INSM2: variants seen among roughly 807,000 people sequenced by gnomAD.
INSM2 encodes insulinoma-associated protein 2.
A neutral mutation model predicts 30.5 loss-of-function variants in INSM2; 12 were observed. The ratio of observed to expected loss-of-function variants is 0.39; its 90% CI spans 0.25 to 0.64. The LOEUF (loss-of-function observed/expected upper bound fraction) is 0.64. Among genes scored for constraint, INSM2 ranks in the 30% least tolerant of loss-of-function variants. The pLI is 0.47. For missense variants in INSM2, 773 were observed against 819.2 expected (o/e 0.94, Z 0.69); for synonymous variants, 418 against 383.7 (o/e 1.09, Z -1.05).
Position 35,534,935 on chromosome 14 carries a change from C to A in INSM2, c.683C>A (p.Ala228Asp). The A allele has an allele frequency of 6.3e-7, 1 of 1,588,114 alleles. No homozygotes were observed. Among genetic ancestry groups the A allele is most frequent in the Non-Finnish European group, 8.5e-7 (1 of 1,169,928 alleles). The change falls in exon 1 of 1, where the codon GCC becomes GAC. Residue 228 changes from alanine (A) to aspartate (D), a missense_variant. Transcript: ENST00000307169. ...AAGGCCATGAGGAAGTTGAGCTTTG[C>A]CGATGAGGTGACCACATCCCCTGTC... is the stretch of plus-strand genomic sequence containing the variant. Reference protein sequence around the residue: ...KPKAMRKLSFADEVTTSPVLG... With the variant: ...KPKAMRKLSFDDEVTTSPVLG...
rs1457608631 is a variant in INSM2 at position 35,535,375 on chromosome 14, G to C, written c.1123G>C (p.Ala375Pro). The change falls in exon 1 of 1, where the codon GCG becomes CCG. Residue 375 changes from alanine (A) to proline (P), a missense_variant. By Grantham distance (27) the Ala-to-Pro change is conservative. Coordinates refer to ENST00000307169, the MANE Select transcript of INSM2 (RefSeq NM_032594.4). ...QHPQARDSSG[A>P]DQHPDSAPRQ... is the part of the protein sequence containing the mutation. ...CCCGCAGGCCAGGGACAGCTCCGGG[G>C]CGGATCAGCACCCGGACAGCGCCCC... 1 of 1,611,528 alleles carries C rather than the reference G, an allele frequency of 6.2e-7. No homozygotes were observed. Among genetic ancestry groups the C allele is most frequent in the East Asian group, 2.2e-5 (1 of 44,840 alleles).
rs548072899 is a variant in INSM2 at position 35,535,360 on chromosome 14, A to G, written c.1108A>G (p.Arg370Gly). The G allele has an allele frequency of 1.8e-5, 29 of 1,611,236 alleles. No individual in the cohort carries two copies. The highest frequency in any genetic ancestry group is 2.2e-5 in the East Asian group (1 of 44,822). The stretch of plus-strand genomic sequence containing the variant: ...GACTGCGGATCAGCACCCGCAGGCC[A>G]GGGACAGCTCCGGGGCGGATCAGCA... ...ERTADQHPQARDSSGADQHPD... is the reference protein window; with the variant it reads ...ERTADQHPQAGDSSGADQHPD... Residue 370 changes from arginine to glycine, a missense_variant, in exon 1 of 1, where the codon AGG becomes GGG. Arg to Gly is a moderately radical substitution (Grantham distance 125). Transcript: ENST00000307169.
Position 35,535,985 on chromosome 14 carries a change from GC to G in INSM2, c.*34del. 6.5e-7 allele frequency: 1 copy of G among 1,546,832 alleles called. No homozygotes were observed. The highest frequency in any genetic ancestry group is 1.3e-5 in the South Asian group (1 of 79,276). On this transcript the variant is annotated 3_prime_UTR_variant, in exon 1 of 1. Coordinates refer to ENST00000307169, the MANE Select transcript of INSM2 (RefSeq NM_032594.4). ...AGAGACCAGGATGATTTCGAGGTTG[GC>G]CTTAGAGGAAACAGATCATGGGAAT... is the stretch of plus-strand genomic sequence containing the variant.
In INSM2 at chr14:35,535,365, C is replaced by T. The variant is rs1288834257; in HGVS notation, c.1113C>T (p.Asp371=). ...RTADQHPQAR[D]SSGADQHPDS... ...CGGATCAGCACCCGCAGGCCAGGGA[C>T]AGCTCCGGGGCGGATCAGCACCCGG... is the stretch of plus-strand genomic sequence containing the variant. Residue 371 remains aspartate, a synonymous_variant, in exon 1 of 1, where the codon GAC becomes GAT. Transcript: ENST00000307169. The T allele has an allele frequency of 6.2e-7, 1 of 1,611,084 alleles. No homozygotes were observed. Among genetic ancestry groups the T allele is most frequent in the African/African-American group, 1.3e-5 (1 of 74,914 alleles).
Position 35,536,079 on chromosome 14 carries a change from T to C in INSM2, c.*126T>C. The C allele has an allele frequency of 8.3e-7, 1 of 1,211,612 alleles. No individual in the cohort carries two copies. Among genetic ancestry groups the C allele is most frequent in the Non-Finnish European group, 1.2e-6 (1 of 862,212 alleles). 75.1% of individuals were successfully genotyped at this position (1,211,612 alleles called of 1,614,324 possible). On this transcript the variant is annotated 3_prime_UTR_variant, in exon 1 of 1. Transcript: ENST00000307169. ...TTCCTATGTTTTAATCCCCTAAAAT[T>C]CTCCCTGTAGTCAATGTTCCACCAG... is the stretch of plus-strand genomic sequence containing the variant.
chr14:35,534,811 G>A lies in INSM2; in HGVS notation c.559G>A (p.Ala187Thr). ...LQPDPAPLSA[A>T]LQSLKRAAGG... is the part of the protein sequence containing the mutation. The stretch of plus-strand genomic sequence containing the variant: ...GCCGGACCCTGCGCCCCTCTCGGCC[G>A]CCCTTCAGAGTCTGAAGCGGGCGGC... Residue 187 changes from alanine to threonine, a missense_variant, in exon 1 of 1, where the codon GCC (alanine) becomes ACC (threonine). Ala to Thr is a moderately conservative substitution (Grantham distance 58, BLOSUM62 0). Coordinates refer to ENST00000307169, the MANE Select transcript of INSM2 (RefSeq NM_032594.4). 3 of 1,476,166 alleles carry A rather than the reference G, an allele frequency of 2.0e-6. No individual in the cohort carries two copies. Among genetic ancestry groups the A allele is most frequent in the Admixed American group, 2.7e-5 (1 of 36,710 alleles). The allele number at this position is 1,476,166 out of a possible 1,614,324, so 91.4% of individuals were successfully genotyped here.
Position 35,535,469 on chromosome 14 carries a change from T to A in INSM2, c.1217T>A (p.Val406Glu). 6.8e-6 allele frequency: 11 copies of A among 1,612,594 alleles called. No individual in the cohort carries two copies. The highest frequency in any genetic ancestry group is 9.3e-6 in the Non-Finnish European group (11 of 1,179,752). The change falls in exon 1 of 1, where the codon GTG (valine) becomes GAG (glutamate). Residue 406 changes from valine to glutamate, a missense_variant. Val to Glu is a moderately radical substitution (Grantham distance 121). Transcript: ENST00000307169. ...PLPQGPYTEGVLGRRVPVPGS... is the reference protein window; with the variant it reads ...PLPQGPYTEGELGRRVPVPGS... ...CCTCAGGGCCCCTACACGGAGGGGG[T>A]GTTGGGGCGCCGGGTACCTGTGCCG... is the stretch of plus-strand genomic sequence containing the variant.
In INSM2 at chr14:35,534,923, A is replaced by T. The variant is rs751800296; in HGVS notation, c.671A>T (p.Lys224Met). The T allele has an allele frequency of 1.3e-6, 2 of 1,596,202 alleles. No homozygotes were observed. Among genetic ancestry groups the T allele is most frequent in the Non-Finnish European group, 1.7e-6 (2 of 1,172,980 alleles). The part of the protein sequence containing the change: ...AGIKKPKAMR[K>M]LSFADEVTTS... ...ATCAAGAAGCCAAAGGCCATGAGGA[A>T]GTTGAGCTTTGCCGATGAGGTGACC... The change falls in exon 1 of 1, where the codon AAG becomes ATG. Residue 224 changes from lysine to methionine, a missense_variant. Transcript: ENST00000307169.
In INSM2 at chr14:35,535,462, G is replaced by A; in HGVS notation, c.1210G>A (p.Glu404Lys). 5.0e-6 allele frequency: 8 copies of A among 1,613,106 alleles called. No homozygotes were observed. Among genetic ancestry groups the A allele is most frequent in the Non-Finnish European group, 6.8e-6 (8 of 1,179,938 alleles). ...EPPLPQGPYT[E>K]GVLGRRVPVP... ...ACCGCTGCCTCAGGGCCCCTACACG[G>A]AGGGGGTGTTGGGGCGCCGGGTACC... Residue 404 changes from glutamate (E) to lysine (K), a missense_variant, in exon 1 of 1, where the codon GAG becomes AAG. Glu to Lys is a moderately conservative substitution (Grantham distance 56). Coordinates refer to ENST00000307169, the MANE Select transcript of INSM2 (RefSeq NM_032594.4).
Position 35,534,737 on chromosome 14 carries a change from A to T in INSM2, c.485A>T (p.Glu162Val), listed in dbSNP as rs1214573400. Reference protein sequence around the residue: ...VAPAAAPTPGEQFLLPLRAPF... With the variant: ...VAPAAAPTPGVQFLLPLRAPF... ...CCAGCAGCCGCACCGACCCCGGGGGAGCAGTTTCTGCTGCCGCTTCGGGCG... is the reference window on the plus strand; with the variant it reads ...CCAGCAGCCGCACCGACCCCGGGGGTGCAGTTTCTGCTGCCGCTTCGGGCG... The change falls in exon 1 of 1, where the codon GAG becomes GTG. Residue 162 changes from glutamate (E) to valine (V), a missense_variant. By Grantham distance (121) the Glu-to-Val change is moderately radical. Transcript: ENST00000307169. 1.4e-6 allele frequency: 2 copies of T among 1,397,184 alleles called. No homozygotes were observed. Among genetic ancestry groups the T allele is most frequent in the South Asian group, 3.3e-5 (2 of 61,042 alleles). 86.5% of individuals were successfully genotyped at this position (1,397,184 alleles called of 1,614,324 possible).
Position 35,534,427 on chromosome 14 carries a change from G to T in INSM2, c.175G>T (p.Glu59Ter). ...GCGGGCGACACCCCCCACCCGAGAGGAACCAGGAAAGGGGTTGACGGCGGA... is the reference window on the plus strand; with the variant it reads ...GCGGGCGACACCCCCCACCCGAGAGTAACCAGGAAAGGGGTTGACGGCGGA... ...AERATPPTRE[E>*]PGKGLTAEAA... is the part of the protein sequence containing the mutation. Residue 59 changes from glutamate (E) to a stop codon, truncating the protein, a stop_gained, in exon 1 of 1, where the codon GAA (glutamate) becomes TAA (stop). Coordinates refer to ENST00000307169, the MANE Select transcript of INSM2 (RefSeq NM_032594.4). LOFTEE classifies it high-confidence loss of function. 1 of 1,496,028 alleles carries T rather than the reference G, an allele frequency of 6.7e-7. No homozygotes were observed. The highest frequency in any genetic ancestry group is 8.8e-7 in the Non-Finnish European group (1 of 1,130,088). 92.7% of individuals were successfully genotyped at this position (1,496,028 alleles called of 1,614,324 possible). A position where few individuals can be genotyped will look rare whatever the true frequency, so the allele number is the denominator to read the frequency against.
chr14:35,534,460 C>G lies in INSM2; in HGVS notation c.208C>G (p.Arg70Gly). Residue 70 changes from arginine to glycine, a missense_variant, in exon 1 of 1, where the codon CGG (arginine) becomes GGG (glycine). Transcript: ENST00000307169. ...AAAGGGGTTGACGGCGGAGGCGGCC[C>G]GGGAACAGTCGGGGTCGCCATGTCG... ...PGKGLTAEAAREQSGSPCRAA... is the reference protein window; with the variant it reads ...PGKGLTAEAAGEQSGSPCRAA... The G allele has an allele frequency of 6.9e-7, 1 of 1,457,814 alleles. No individual in the cohort carries two copies. The highest frequency in any genetic ancestry group is 9.0e-7 in the Non-Finnish European group (1 of 1,109,828). The allele number at this position is 1,457,814 out of a possible 1,614,324, so 90.3% of individuals were successfully genotyped here.
Position 35,535,819 on chromosome 14 carries a change from C to G in INSM2, c.1567C>G (p.Gln523Glu). ...CGGGCCATCTGACGGGAGTGCCCAG[C>G]AAATTTTCTCGTGCAAGCACTGCCC... ...PSGPSDGSAQ[Q>E]IFSCKHCPST... Residue 523 changes from glutamine (Q) to glutamate (E), a missense_variant, in exon 1 of 1, where the codon CAA (glutamine) becomes GAA (glutamate). Transcript: ENST00000307169. 1 of 1,614,062 alleles carries G rather than the reference C, an allele frequency of 6.2e-7. No individual in the cohort carries two copies. The highest frequency in any genetic ancestry group is 8.5e-7 in the Non-Finnish European group (1 of 1,180,036).
chr14:35,536,314 C>T lies in INSM2; in HGVS notation c.*361C>T, dbSNP rs1211135140. ...GGTGAATGCGTGCATGTCTCAATGTCCACAAAGGATTCTGGCTACCCTTTG... is the reference window on the plus strand; with the variant it reads ...GGTGAATGCGTGCATGTCTCAATGTTCACAAAGGATTCTGGCTACCCTTTG... On this transcript the variant is annotated 3_prime_UTR_variant, in exon 1 of 1. Coordinates refer to ENST00000307169, the MANE Select transcript of INSM2 (RefSeq NM_032594.4). 4.8e-6 allele frequency: 1 copy of T among 208,998 alleles called. No individual in the cohort carries two copies. The highest frequency in any genetic ancestry group is 2.3e-5 in the African/African-American group (1 of 42,776). The allele number at this position is 208,998 out of a possible 1,614,324, so 12.9% of individuals were successfully genotyped here.
Position 35,536,251 on chromosome 14 carries a change from C to A in INSM2, c.*298C>A, listed in dbSNP as rs778814657. 1.2e-5 allele frequency: 4 copies of A among 336,752 alleles called. No homozygotes were observed. Among genetic ancestry groups the A allele is most frequent in the Non-Finnish European group, 1.7e-5 (3 of 177,794 alleles). The allele number at this position is 336,752 out of a possible 1,614,324, so 20.9% of individuals were successfully genotyped here. ...CCCCTTAAAACTCTGGAGACCCTAACGAATCCTATATGATTTGTAATTCCT... is the reference window on the plus strand; with the variant it reads ...CCCCTTAAAACTCTGGAGACCCTAAAGAATCCTATATGATTTGTAATTCCT... On this transcript the variant is annotated 3_prime_UTR_variant, in exon 1 of 1. Transcript: ENST00000307169.
In INSM2 at chr14:35,535,602, G is replaced by A; in HGVS notation, c.1350G>A (p.Ala450=). 1 of 1,613,212 alleles carries A rather than the reference G, an allele frequency of 6.2e-7. No homozygotes were observed. The highest frequency in any genetic ancestry group is 8.5e-7 in the Non-Finnish European group (1 of 1,179,980). ...YLRKHLSTHE[A]GSARALAPGF... The stretch of plus-strand genomic sequence containing the variant: ...GCAAGCACCTGAGCACTCACGAGGC[G>A]GGCTCGGCCCGTGCGCTAGCGCCGG... Residue 450 remains alanine, a synonymous_variant, in exon 1 of 1, where the codon GCG becomes GCA. Coordinates refer to ENST00000307169, the MANE Select transcript of INSM2 (RefSeq NM_032594.4).
Position 35,536,613 on chromosome 14 carries a change from GGAGTTGAGA to G in INSM2, c.*661_*669del, listed in dbSNP as rs1327081576. ...GAGGTGGGGAGGATGCTACTTTACT[GGAGTTGAGA>G]CACCCCCTAAAATTCTCACCCTCAG... is the stretch of plus-strand genomic sequence containing the variant. On this transcript the variant is annotated 3_prime_UTR_variant, in exon 1 of 1. Coordinates refer to ENST00000307169, the MANE Select transcript of INSM2 (RefSeq NM_032594.4). The G allele has an allele frequency of 6.0e-6, 1 of 167,046 alleles. No homozygotes were observed. The highest frequency in any genetic ancestry group is 2.4e-5 in the African/African-American group (1 of 41,424). The allele number at this position is 167,046 out of a possible 1,614,324, so 10.3% of individuals were successfully genotyped here.
Position 35,534,411 on chromosome 14 carries a change from A to G in INSM2, c.159A>G (p.Thr53=). Residue 53 remains threonine (T), a synonymous_variant, in exon 1 of 1, where the codon ACA becomes ACG. Coordinates refer to ENST00000307169, the MANE Select transcript of INSM2 (RefSeq NM_032594.4). Reference sequence around the variant, plus strand: ...CCTTGCCCGGCGCGGAGCGGGCGACACCCCCCACCCGAGAGGAACCAGGAA... The same window carrying G: ...CCTTGCCCGGCGCGGAGCGGGCGACGCCCCCCACCCGAGAGGAACCAGGAA... ...SASLPGAERA[T]PPTREEPGKG... 1 of 1,504,022 alleles carries G rather than the reference A, an allele frequency of 6.6e-7. No individual in the cohort carries two copies. The highest frequency in any genetic ancestry group is 8.8e-7 in the Non-Finnish European group (1 of 1,133,392). 93.2% of individuals were successfully genotyped at this position (1,504,022 alleles called of 1,614,324 possible).
Position 35,534,286 on chromosome 14 carries a change from C to T in INSM2, c.34C>T (p.Arg12Trp), listed in dbSNP as rs1278834443. Reference protein sequence around the residue: ...PRGFLVKRTKRTGGLYRVRLA... With the variant: ...PRGFLVKRTKWTGGLYRVRLA... ...GGGATTCCTGGTGAAGCGAACTAAA[C>T]GGACAGGCGGCTTGTACCGAGTTCG... Residue 12 changes from arginine to tryptophan, a missense_variant, in exon 1 of 1, where the codon CGG becomes TGG. Coordinates refer to ENST00000307169, the MANE Select transcript of INSM2 (RefSeq NM_032594.4). 6.3e-7 allele frequency: 1 copy of T among 1,595,106 alleles called. No individual in the cohort carries two copies. Among genetic ancestry groups the T allele is most frequent in the Admixed American group, 1.7e-5 (1 of 59,056 alleles).
Sources: allele counts gnomAD v4.1 joint callset, GRCh38; gene constraint gnomAD v4.1.1; transcripts MANE v1.5; gene names NCBI Gene and HGNC (gene_info 2026-07-23, HGNC 2026-07-21).